Variants in MAP3K2 observed in about 807,000 individuals in gnomAD.
MAP3K2 encodes the protein mitogen-activated protein kinase kinase kinase 2.
MAP3K2 carries 24 observed loss-of-function variants against 80.3 expected under a neutral mutation model. That is an observed-to-expected ratio of 0.30 (90% CI 0.22 to 0.42). The LOEUF is 0.42. Ranked by LOEUF, MAP3K2 falls within the 10% of genes least tolerant of loss-of-function variation. The pLI is 1.00. For missense variants in MAP3K2, 608 were observed against 750.1 expected, an observed-to-expected ratio of 0.81 and a Z score of 2.21; for synonymous variants, 244 against 253.7, an observed-to-expected ratio of 0.96 and a Z score of 0.36.
At chr2:127,314,955 T>C (rs1573978744) in intron 14 of MAP3K2, 72 bp from the exon 15 acceptor site, 3 of 1,115,866 alleles carry the variant, frequency 2.7e-6, no homozygotes, top group South Asian at 2.9e-5. Context: ...TAAATCTTTA[T>C]CAGTAAAGAG....
chr2:127,324,614 G>A (rs1686093277), intron 9 of MAP3K2, among the ~76,000 whole-genome samples: 1 of 151,894 alleles, frequency 6.6e-6, no homozygotes, highest in Admixed American at 6.6e-5. Flanking sequence ...AGGTATCCAG[G>A]ATAGTGTTTT....
chr2:127,360,632 T>C (rs141122780), intron 1 of MAP3K2, among the ~76,000 whole-genome samples: 56 of 152,336 alleles, frequency 3.7e-4, no homozygotes, highest in African/African-American at 1.3e-3. Context: ...TTAATGCTAC[T>C]AGCTCTGCAA....
chr2:127,323,912 C>T lies in MAP3K2; in HGVS notation c.828G>A (p.Glu276=), dbSNP rs1360563508. 1 of 1,487,288 alleles carries T rather than the reference C, an allele frequency of 6.7e-7. No homozygotes were observed. Among genetic ancestry groups the T allele is most frequent in the Non-Finnish European group, 9.2e-7 (1 of 1,090,536 alleles). 92.1% of individuals were successfully genotyped at this position (1,487,288 alleles called of 1,614,324 possible). ...TTGCTAGAAACTTACCATCATTATACTCTTGATGATGATATGAAACATGAT... is the reference window on the plus strand; with the variant it reads ...TTGCTAGAAACTTACCATCATTATATTCTTGATGATGATATGAAACATGAT... The part of the protein sequence containing the change: ...RRYHVSYHHQ[E]YNDGRKTFPR... Residue 276 remains glutamate (E), a synonymous_variant, in exon 11 of 17, where the codon GAG becomes GAA. Transcript: ENST00000682094.
intron 1 of MAP3K2, among the ~76,000 whole-genome samples, chr2:127,373,565 G>A (rs1022554145): frequency 3.9e-5 from 6 of 152,072 alleles, no homozygotes; most frequent in Non-Finnish European, 5.9e-5. Flanking sequence ...TAACTCCTAC[G>A]GCACAAAGGG....
At chr2:127,316,996 T>G (rs1452845036) in intron 14 of MAP3K2, 2 of 147,976 alleles carry the variant, frequency 1.4e-5, no homozygotes, top group Middle Eastern at 3.3e-3. Context: ...ATAAAAAATT[T>G]AAAACAAAAA....
intron 13 of MAP3K2, 121 bp downstream of exon 13, chr2:127,318,048 C>CT (rs11452548): frequency 0.49 from 282,596 of 574,818 alleles, 37,537 homozygotes; most frequent in Admixed American, 0.64. Context: ...AAGAAAACTG[C>CT]TTTTTTTTTT....
intron 1 of MAP3K2, among the ~76,000 whole-genome samples, chr2:127,344,829 A>T (rs1686566688): frequency 6.6e-6 from 1 of 152,180 alleles, no homozygotes; most frequent in Admixed American, 6.6e-5. Flanking sequence ...TTCTGGTCCC[A>T]AACATTTTGA....
intron 1 of MAP3K2, among the ~76,000 whole-genome samples, chr2:127,344,202 T>C (rs1291559585): frequency 2.0e-5 from 3 of 152,084 alleles, no homozygotes; most frequent in Non-Finnish European, 4.4e-5. Flanking sequence ...AAAAGGCAGA[T>C]GCACAACTCA....
At chr2:127,375,434 A>G (rs1039448435) in intron 1 of MAP3K2, among the ~76,000 whole-genome samples, 1 of 149,326 alleles carries the variant, frequency 6.7e-6, no homozygotes, top group African/African-American at 2.5e-5. Context: ...TTTTTGAGAC[A>G]GAGTCTCACT....
At chr2:127,331,190 A>C (rs532546690) in intron 5 of MAP3K2, among the ~76,000 whole-genome samples, 12 of 152,330 alleles carry the variant, frequency 7.9e-5, no homozygotes, top group South Asian at 6.2e-4. Context: ...AAAGCACCTA[A>C]GAGGTCTATG....
chr2:127,388,261 A>G (rs756593776), upstream of MAP3K2: 31 of 984,954 alleles, frequency 3.1e-5, no homozygotes, highest in Non-Finnish European at 3.5e-5. Flanking sequence ...GGTTGTCTCG[A>G]GCCTGCGGTA....
In MAP3K2 at chr2:127,387,596, G is replaced by A; in HGVS notation, c.-210C>T. The A allele has an allele frequency of 1.0e-6, 1 of 984,978 alleles. No individual in the cohort carries two copies. Among genetic ancestry groups the A allele is most frequent in the South Asian group, 4.7e-5 (1 of 21,292 alleles). 61.0% of individuals were successfully genotyped at this position (984,978 alleles called of 1,614,324 possible). On this transcript the variant is annotated 5_prime_UTR_variant, in exon 1 of 17. Transcript: ENST00000682094. ...GCCCCCGGGGACCGGAGGGGCGCGCGAGGAGTCGGGCGCGGGCCTTGGGGC... is the reference window on the plus strand; with the variant it reads ...GCCCCCGGGGACCGGAGGGGCGCGCAAGGAGTCGGGCGCGGGCCTTGGGGC...
chr2:127,314,449 G>A (rs899284683), intron 15 of MAP3K2, among the ~76,000 whole-genome samples: 1 of 152,196 alleles, frequency 6.6e-6, no homozygotes, highest in Non-Finnish European at 1.5e-5. Context: ...CCATCTGGCA[G>A]CAGGGATCCT....
chr2:127,318,957 C>T (rs1045491273), intron 12 of MAP3K2, among the ~76,000 whole-genome samples: 1 of 152,058 alleles, frequency 6.6e-6, no homozygotes, highest in African/African-American at 2.4e-5. Context: ...GAGTATTGAA[C>T]CCTTGGGAGA....
rs969028693 is a variant in MAP3K2 at position 127,302,148 on chromosome 2, A to G, written c.*5431T>C. 4 of 152,186 alleles carry G rather than the reference A, an allele frequency of 2.6e-5. No individual in the cohort carries two copies. The highest frequency in any genetic ancestry group is 2.0e-4 in the Admixed American group (3 of 15,272). The allele number at this position is 152,186 out of a possible 1,614,324, so 9.4% of individuals were successfully genotyped here. On this transcript the variant is annotated 3_prime_UTR_variant, in exon 17 of 17. Coordinates refer to ENST00000682094, the MANE Select transcript of MAP3K2 (RefSeq NM_001371910.2). ...GTTCAGGAAGAACTATGTAAAATCAATTACTTTCTATTTAAGAATTATATA... is the reference window on the plus strand; with the variant it reads ...GTTCAGGAAGAACTATGTAAAATCAGTTACTTTCTATTTAAGAATTATATA...
At chr2:127,374,311 T>C (rs1338426938) in intron 1 of MAP3K2, among the ~76,000 whole-genome samples, 5 of 152,166 alleles carry the variant, frequency 3.3e-5, no homozygotes, top group South Asian at 2.1e-4. Flanking sequence ...GCTAGATCAA[T>C]GTATACATCT....
chr2:127,316,047 T>G (rs1685896378), intron 14 of MAP3K2, among the ~76,000 whole-genome samples: 1 of 151,128 alleles, frequency 6.6e-6, no homozygotes, highest in Admixed American at 6.6e-5. Context: ...TGCACTCCAG[T>G]CTAGGCAACA....
chr2:127,373,982 T>C (rs1282865736), intron 1 of MAP3K2, among the ~76,000 whole-genome samples: 2 of 152,388 alleles, frequency 1.3e-5, no homozygotes, highest in Non-Finnish European at 1.5e-5. Flanking sequence ...TATCTCGTAC[T>C]TCTGTTGTTT....
At chr2:127,379,192 CTT>C (rs1445312018) in intron 1 of MAP3K2, among the ~76,000 whole-genome samples, 2 of 151,898 alleles carry the variant, frequency 1.3e-5, no homozygotes, top group Non-Finnish European at 2.9e-5. Context: ...ATATTAATAA[CTT>C]TTTTAAATTT....
Sources: gnomAD v4.1 joint callset for allele counts (sites outside exome capture counted in the v4.1 genomes callset) on GRCh38, gnomAD v4.1.1 for gene constraint, MANE v1.5 for transcripts, NCBI Gene and HGNC (gene_info 2026-07-23, HGNC 2026-07-21) for gene names.